ATE1: variants seen among roughly 807,000 people sequenced by gnomAD.
ATE1 encodes the protein arginyl-tRNA--protein transferase 1.
ATE1 carries 36 observed loss-of-function variants against 70.5 expected under a neutral mutation model. The observed-to-expected ratio is 0.51, with a 90% CI of 0.39 to 0.67. ATE1 has a LOEUF of 0.67. ATE1 is among the 30% of genes least tolerant of loss of function. The pLI is 0.00. For missense variants in ATE1, 593 were observed against 629.5 expected (o/e 0.94, Z 0.62); for synonymous variants, 232 against 219.3 (o/e 1.06, Z -0.51).
chr10:121,907,536 A>G (rs1951245711), intron 5 of ATE1, among the ~76,000 whole-genome samples: 1 of 152,108 alleles, frequency 6.6e-6, no homozygotes, highest in Non-Finnish European at 1.5e-5. Context: ...GCACTTTGGG[A>G]GGCCGAGGCG....
At chr10:121,887,318 C>T (rs1446537906) in intron 7 of ATE1, among the ~76,000 whole-genome samples, 1 of 152,188 alleles carries the variant, frequency 6.6e-6, no homozygotes, top group Non-Finnish European at 1.5e-5. Flanking sequence ...TATACATACA[C>T]CTGAATATAA....
intron 11 of ATE1, among the ~76,000 whole-genome samples, chr10:121,745,175 C>T (rs546931572): frequency 6.6e-6 from 1 of 152,286 alleles, no homozygotes; most frequent in African/African-American, 2.4e-5. Flanking sequence ...GGCAGTCACT[C>T]CTAATCCTAA....
chr10:121,798,891 T>C (rs1946763843), intron 10 of ATE1, among the ~76,000 whole-genome samples: 1 of 142,096 alleles, frequency 7.0e-6, no homozygotes, highest in Admixed American at 7.2e-5. Context: ...AGAGTAAGAC[T>C]CTGTCTCAAG....
At chr10:121,829,910 A>C (rs1276517202) in intron 10 of ATE1, among the ~76,000 whole-genome samples, 2 of 152,224 alleles carry the variant, frequency 1.3e-5, no homozygotes, top group African/African-American at 4.8e-5. Context: ...TTGTAGCCGT[A>C]GGCTAAATTT....
intron 11 of ATE1, among the ~76,000 whole-genome samples, chr10:121,759,588 G>C (rs1426605644): frequency 6.6e-6 from 1 of 152,110 alleles, no homozygotes; most frequent in Non-Finnish European, 1.5e-5. Context: ...GCCAGGTGTG[G>C]TGGCGGGCAC....
chr10:121,846,910 A>G (rs1292899711), intron 8 of ATE1, among the ~76,000 whole-genome samples: 1 of 152,162 alleles, frequency 6.6e-6, no homozygotes, highest in African/African-American at 2.4e-5. Flanking sequence ...GTGAGCAAAA[A>G]GAAGCACTAA....
intron 1 of ATE1, chr10:121,927,502 C>T (rs1014977176): frequency 4.1e-6 from 4 of 985,276 alleles, no homozygotes; most frequent in African/African-American, 1.7e-5. Context: ...GCAGCACCCA[C>T]CGGTCAGCCC....
intron 10 of ATE1, among the ~76,000 whole-genome samples, chr10:121,813,323 T>C (rs1458771293): frequency 6.6e-6 from 1 of 152,180 alleles, no homozygotes; most frequent in Non-Finnish European, 1.5e-5. Flanking sequence ...TGCCAGCTCT[T>C]TATCCCTCCT....
rs1951774315 is a variant in ATE1 at position 121,919,052 on chromosome 10, A to C, written c.233+3297T>G. ...CAATCAGCACTCTGTAAAATGGACC[A>C]ATCAGCAGGACATGGGCAGGGACAA... On this transcript the variant is annotated intron_variant, in intron 3 of 11. Coordinates refer to ENST00000224652, the MANE Select transcript of ATE1 (RefSeq NM_001001976.3). Among the ~76,000 whole-genome samples, 6 of 152,262 alleles carry C rather than the reference A, an allele frequency of 3.9e-5. No individual in the cohort carries two copies. In the South Asian group the frequency reaches 1.2e-3, roughly 32 times the overall value.
chr10:121,775,503 G>A (rs1199759256), intron 11 of ATE1, among the ~76,000 whole-genome samples: 1 of 152,094 alleles, frequency 6.6e-6, no homozygotes, highest in African/African-American at 2.4e-5. Context: ...AGAACACAAA[G>A]ATCTGTGCTA....
chr10:121,886,563 C>G (rs1192543752), intron 7 of ATE1, among the ~76,000 whole-genome samples: 1 of 152,148 alleles, frequency 6.6e-6, no homozygotes, highest in Non-Finnish European at 1.5e-5. Context: ...CTCCCCGCCA[C>G]CTGAACTGAA....
At chr10:121,850,845 A>G (rs1040062962) in intron 8 of ATE1, among the ~76,000 whole-genome samples, 16 of 152,092 alleles carry the variant, frequency 1.1e-4, no homozygotes, top group African/African-American at 3.6e-4. Flanking sequence ...TAATCCCAGC[A>G]CTTTGGGAGG....
intron 8 of ATE1, among the ~76,000 whole-genome samples, chr10:121,859,265 T>TTTTA (rs1949379461): frequency 1.3e-5 from 2 of 150,626 alleles, no homozygotes; most frequent in Non-Finnish European, 3.0e-5. Flanking sequence ...ATTTTATTTT[T>TTTTA]TTTTTTTTTG....
At chr10:121,880,085 T>C (rs188032260) in intron 7 of ATE1, among the ~76,000 whole-genome samples, 2 of 152,272 alleles carry the variant, frequency 1.3e-5, no homozygotes, top group African/African-American at 4.8e-5. Flanking sequence ...AAGACAAATT[T>C]GTTTTTAATG....
chr10:121,830,915 G>C (rs901414931), intron 10 of ATE1, among the ~76,000 whole-genome samples: 2 of 152,144 alleles, frequency 1.3e-5, no homozygotes, highest in Non-Finnish European at 2.9e-5. Flanking sequence ...ATTTAAATGG[G>C]AACATTGAGT....
At chr10:121,825,504 T>C (rs954361190) in intron 10 of ATE1, among the ~76,000 whole-genome samples, 1 of 152,188 alleles carries the variant, frequency 6.6e-6, no homozygotes, top group Non-Finnish European at 1.5e-5. Context: ...TCTAACTCCT[T>C]ACCAGTGATT....
chr10:121,812,498 T>G (rs1450608202), intron 10 of ATE1, among the ~76,000 whole-genome samples: 1 of 152,170 alleles, frequency 6.6e-6, no homozygotes, highest in African/African-American at 2.4e-5. Flanking sequence ...TCCTGGCCTA[T>G]CAAGGTAGTC....
At chr10:121,775,283 G>C (rs1344584639) in intron 11 of ATE1, among the ~76,000 whole-genome samples, 10 of 152,138 alleles carry the variant, frequency 6.6e-5, no homozygotes, top group African/African-American at 2.4e-4. Context: ...ACTACTGATA[G>C]TAAACCCTTT....
Position 121,841,122 on chromosome 10 carries a change from C to A in ATE1, c.1117G>T (p.Asp373Tyr). ...VSSVYLYYDP[D>Y]YSFLSLGVYS... is the part of the protein sequence containing the mutation. ...ACGCCCAAAGACAAAAACGAATAAT[C>A]AGGATCGTAGTACAAATACACAGAT... The change falls in exon 9 of 12, where the codon GAT becomes TAT. Residue 373 changes from aspartate (D) to tyrosine (Y), a missense_variant. Physicochemically the swap from Asp to Tyr is radical, Grantham distance 160. Coordinates refer to ENST00000224652, the MANE Select transcript of ATE1 (RefSeq NM_001001976.3). 6.3e-7 allele frequency: 1 copy of A among 1,579,626 alleles called. No individual in the cohort carries two copies. The highest frequency in any genetic ancestry group is 8.6e-7 in the Non-Finnish European group (1 of 1,159,138).
Sources: allele counts gnomAD v4.1 joint callset (sites outside exome capture counted in the v4.1 genomes callset), GRCh38; gene constraint gnomAD v4.1.1; transcripts MANE v1.5; gene names NCBI Gene and HGNC (gene_info 2026-07-23, HGNC 2026-07-21).